The following DLGAP2 variants were observed in gnomAD, a reference collection of about 807,000 sequenced individuals.
The protein encoded by DLGAP2 is DLG associated protein 2, also known as disks large-associated protein 2.
In DLGAP2, 26 loss-of-function variants were observed where a neutral mutation model predicts 100.3. The ratio of observed to expected loss-of-function variants is 0.26; its 90% CI spans 0.19 to 0.36. DLGAP2 has a LOEUF of 0.36. Among genes scored for constraint, DLGAP2 ranks in the 10% least tolerant of loss-of-function variants. DLGAP2 has a pLI of 1.00. For missense variants in DLGAP2, 1,858 were observed against 1,453.2 expected (o/e 1.28, Z -4.53); for synonymous variants, 886 against 630.1 (o/e 1.41, Z -6.08).
At chr8:742,038 T>C (rs531282507) in intron 1 of DLGAP2, among the ~76,000 whole-genome samples, 2 of 152,324 alleles carry the variant, frequency 1.3e-5, no homozygotes, top group East Asian at 3.9e-4. Flanking sequence ...AACTAAGTTA[T>C]GCCTGAACCA....
chr8:1,669,995 C>T (rs532023145), intron 10 of DLGAP2, among the ~76,000 whole-genome samples: 6 of 152,278 alleles, frequency 3.9e-5, no homozygotes, highest in Non-Finnish European at 5.9e-5. Flanking sequence ...CGCTGGGCTC[C>T]GGCGCCGGTA....
chr8:758,119 T>G (rs1014423462), intron 1 of DLGAP2, among the ~76,000 whole-genome samples: 9 of 152,246 alleles, frequency 5.9e-5, no homozygotes, highest in African/African-American at 2.2e-4. Context: ...ATGAGCTCAC[T>G]GAAGCCTAAA....
At chr8:1,199,468 G>A (rs1797822643) in intron 2 of DLGAP2, among the ~76,000 whole-genome samples, 2 of 152,286 alleles carry the variant, frequency 1.3e-5, no homozygotes, top group African/African-American at 4.8e-5. Context: ...TAGGGTAGGA[G>A]GACACAGTAA....
chr8:1,196,277 A>T (rs1797747740), intron 2 of DLGAP2, among the ~76,000 whole-genome samples: 1 of 152,208 alleles, frequency 6.6e-6, no homozygotes, highest in Admixed American at 6.5e-5. Flanking sequence ...GCATAGAGTA[A>T]AGCATTTGTG....
chr8:1,699,539 G>A (rs200310211), intron 14 of DLGAP2, among the ~76,000 whole-genome samples: 37 of 152,192 alleles, frequency 2.4e-4, no homozygotes, highest in East Asian at 5.8e-4. Flanking sequence ...GAGTGAACCC[G>A]GAAGGCAGAG....
intron 6 of DLGAP2, among the ~76,000 whole-genome samples, chr8:1,574,019 TC>T (rs1802863537): frequency 6.6e-6 from 1 of 152,120 alleles, no homozygotes; most frequent in South Asian, 2.1e-4. Flanking sequence ...CAGGCTTGTC[TC>T]CCTGCAGACT....
intron 2 of DLGAP2, among the ~76,000 whole-genome samples, chr8:1,242,894 C>T (rs549884712): frequency 6.7e-6 from 1 of 149,876 alleles, no homozygotes; most frequent in Non-Finnish European, 1.5e-5. Flanking sequence ...ACAGGTGAAT[C>T]CATGGATTGA....
intron 5 of DLGAP2, among the ~76,000 whole-genome samples, chr8:1,555,199 C>A (rs965042914): frequency 6.6e-6 from 1 of 152,150 alleles, no homozygotes; most frequent in African/African-American, 2.4e-5. Flanking sequence ...TGGACACAGA[C>A]GCACAACCCT....
intron 3 of DLGAP2, among the ~76,000 whole-genome samples, chr8:1,278,729 C>T (rs1166593896): frequency 1.3e-5 from 2 of 152,192 alleles, no homozygotes; most frequent in African/African-American, 4.8e-5. Flanking sequence ...AACTGCCTTT[C>T]ATTTGATAAA....
chr8:794,458 A>C lies in DLGAP2; in HGVS notation c.18+56633A>C, dbSNP rs546879357. Among the ~76,000 whole-genome samples, 8 of 152,332 alleles carry C rather than the reference A, an allele frequency of 5.3e-5. No homozygotes were observed. In the East Asian group the frequency reaches 1.5e-3, roughly 29 times the overall value. ...CCAGTCATTAGCATTGTTTCTATAG[A>C]TATTAACTAAAAGTCTCCCTTATGA... On this transcript the variant is annotated intron_variant, in intron 1 of 14. Coordinates refer to ENST00000637795, the MANE Select transcript of DLGAP2 (RefSeq NM_001346810.2).
At chr8:1,569,643 G>C (rs1050754539) in intron 6 of DLGAP2, among the ~76,000 whole-genome samples, 3 of 152,194 alleles carry the variant, frequency 2.0e-5, no homozygotes, top group African/African-American at 7.2e-5. Context: ...CTGAAGCTCA[G>C]CTTTGTAACT....
intron 3 of DLGAP2, among the ~76,000 whole-genome samples, chr8:1,495,832 G>A (rs1799529305): frequency 6.6e-6 from 1 of 152,176 alleles, no homozygotes; most frequent in Non-Finnish European, 1.5e-5. Context: ...CCCGGACTCA[G>A]CGCATCTCTA....
intron 2 of DLGAP2, among the ~76,000 whole-genome samples, chr8:983,217 G>T (rs994730198): frequency 1.3e-5 from 2 of 152,184 alleles, no homozygotes; most frequent in African/African-American, 4.8e-5. Context: ...CGTGTTGGTG[G>T]AAGGTACAGG....
At chr8:987,914 T>C (rs552716322) in intron 2 of DLGAP2, among the ~76,000 whole-genome samples, 1 of 152,188 alleles carries the variant, frequency 6.6e-6, no homozygotes, top group Non-Finnish European at 1.5e-5. Context: ...ACATATGTGG[T>C]CAGCAATATT....
intron 3 of DLGAP2, among the ~76,000 whole-genome samples, chr8:1,374,755 G>C (rs1802347441): frequency 6.6e-6 from 1 of 152,168 alleles, no homozygotes; most frequent in Admixed American, 6.5e-5. Context: ...ACTGGACGGT[G>C]GAAATCCTGC....
At chr8:1,369,987 C>T (rs1802198974) in intron 3 of DLGAP2, among the ~76,000 whole-genome samples, 1 of 152,166 alleles carries the variant, frequency 6.6e-6, no homozygotes, top group Admixed American at 6.5e-5. Flanking sequence ...GGCCTTAGGG[C>T]TTCTTCACGC....
chr8:1,363,951 A>G (rs374584725), intron 3 of DLGAP2, among the ~76,000 whole-genome samples: 1 of 152,246 alleles, frequency 6.6e-6, no homozygotes, highest in East Asian at 1.9e-4. Flanking sequence ...GCTATTGGCC[A>G]TGGCACAGTA....
rs1799690317 is a variant in DLGAP2 at position 1,705,803 on chromosome 8, T to C, written c.*4397T>C. The C allele has an allele frequency of 6.6e-6, 1 of 152,234 alleles. No individual in the cohort carries two copies. The highest frequency in any genetic ancestry group is 1.5e-5 in the Non-Finnish European group (1 of 68,038). 9.4% of individuals were successfully genotyped at this position (152,234 alleles called of 1,614,324 possible). A position where few individuals can be genotyped will look rare whatever the true frequency, so the allele number is the denominator to read the frequency against. ...CCCCTGGGAATGTTCCAGGGTTCTC[T>C]TGTTTTGATCTGCATGTCTGTTTAC... On this transcript the variant is annotated 3_prime_UTR_variant, in exon 15 of 15. Coordinates refer to ENST00000637795, the MANE Select transcript of DLGAP2 (RefSeq NM_001346810.2).
At chr8:1,094,425 G>C (rs566715019) in intron 2 of DLGAP2, among the ~76,000 whole-genome samples, 1 of 152,238 alleles carries the variant, frequency 6.6e-6, no homozygotes. Context: ...AGGCCTTCCT[G>C]TCAGTACAGA....
Sources: allele counts gnomAD v4.1 joint callset (sites outside exome capture counted in the v4.1 genomes callset), GRCh38; gene constraint gnomAD v4.1.1; transcripts MANE v1.5; gene names NCBI Gene and HGNC (gene_info 2026-07-23, HGNC 2026-07-21).